CENPC: variants seen among roughly 807,000 people sequenced by gnomAD.
The protein encoded by CENPC is centromere protein C, also known as CENP-C 1.
In CENPC, 63 loss-of-function variants were observed where a neutral mutation model predicts 112.1. That is an observed-to-expected ratio of 0.56 (90% CI 0.46 to 0.69). The LOEUF (loss-of-function observed/expected upper bound fraction) is 0.69. Ranked by LOEUF, CENPC falls within the 30% of genes least tolerant of loss-of-function variation. The probability of loss-of-function intolerance (pLI) is 0.00; values close to 1 mark genes in which losing one functional copy is unlikely to be tolerated. For missense variants in CENPC, 1,000 were observed against 1,103.8 expected (o/e 0.91, Z 1.33); for synonymous variants, 333 against 367.6 (o/e 0.91, Z 1.08).
chr4:67,533,394 A>T (rs1275604706), intron 4 of CENPC, among the ~76,000 whole-genome samples: 1 of 152,162 alleles, frequency 6.6e-6, no homozygotes, highest in African/African-American at 2.4e-5. Flanking sequence ...AGTCTTAGGA[A>T]TGTTTTTATC....
rs2109841782 is a variant in CENPC at position 67,545,420 on chromosome 4, G to C, written c.-65C>G. The C allele has an allele frequency of 7.0e-7, 1 of 1,438,170 alleles. No homozygotes were observed. Among genetic ancestry groups the C allele is most frequent in the Non-Finnish European group, 9.2e-7 (1 of 1,088,748 alleles). 89.1% of individuals were successfully genotyped at this position (1,438,170 alleles called of 1,614,324 possible). A position where few individuals can be genotyped will look rare whatever the true frequency, so the allele number is the denominator to read the frequency against. Reference sequence around the variant, plus strand: ...AAGCCCACACGGACCACAGCTCCAGGAAGCCGAGCAAGAAACGAATCGCCG... The same window carrying C: ...AAGCCCACACGGACCACAGCTCCAGCAAGCCGAGCAAGAAACGAATCGCCG... On this transcript the variant is annotated 5_prime_UTR_variant, in exon 1 of 19. Coordinates refer to ENST00000273853, the MANE Select transcript of CENPC (RefSeq NM_001812.4).
chr4:67,514,030 T>A, intron 8 of CENPC, 44 bp downstream of exon 8: 1 of 1,478,556 alleles, frequency 6.8e-7, no homozygotes. Context: ...AAACATAAAA[T>A]GGGTAGAATA....
At chr4:67,521,982 G>C (rs1317549659) in intron 5 of CENPC, among the ~76,000 whole-genome samples, 1 of 152,164 alleles carries the variant, frequency 6.6e-6, no homozygotes, top group East Asian at 1.9e-4. Context: ...TGTGAAAAAT[G>C]AAAGAAGTTC....
Position 67,495,213 on chromosome 4 carries a change from C to G in CENPC, c.2132-1G>C. 1 of 1,526,860 alleles carries G rather than the reference C, an allele frequency of 6.5e-7. No homozygotes were observed. The highest frequency in any genetic ancestry group is 2.2e-5 in the Admixed American group (1 of 45,436). The allele number at this position is 1,526,860 out of a possible 1,614,324, so 94.6% of individuals were successfully genotyped here. On this transcript the variant is annotated splice_acceptor_variant, in intron 12 of 18. Coordinates refer to ENST00000273853, the MANE Select transcript of CENPC (RefSeq NM_001812.4). LOFTEE classifies it high-confidence loss of function. Reference sequence around the variant, plus strand: ...ATCACTTTAGATTGTTTTGAGTCATCTACAAAATGCAAAAGATAATATCAT... The same window carrying G: ...ATCACTTTAGATTGTTTTGAGTCATGTACAAAATGCAAAAGATAATATCAT...
At chr4:67,490,835 TAA>T (rs1491405739) in intron 16 of CENPC, among the ~76,000 whole-genome samples, 71 of 68,432 alleles carry the variant, frequency 1.0e-3, no homozygotes, top group African/African-American at 3.5e-3. Context: ...GATATAGAAA[TAA>T]ATATATATAT....
At chr4:67,523,226 T>G (rs1378958836) in intron 5 of CENPC, among the ~76,000 whole-genome samples, 4 of 152,048 alleles carry the variant, frequency 2.6e-5, no homozygotes, top group Non-Finnish European at 4.4e-5. Flanking sequence ...GGCAGGAGAA[T>G]TGCTTGAACC....
At chr4:67,535,674 T>C (rs1186299752) in intron 4 of CENPC, among the ~76,000 whole-genome samples, 1 of 152,152 alleles carries the variant, frequency 6.6e-6, no homozygotes, top group African/African-American at 2.4e-5. Context: ...GAAACAGTCA[T>C]AATAATACCA....
At position 67,471,156 on chromosome 4, in the gene CENPC, A is replaced by G. The variant is rs1370825157; in HGVS notation, c.*1449T>C. On this transcript the variant is annotated 3_prime_UTR_variant, in exon 19 of 19. Coordinates refer to ENST00000273853, the MANE Select transcript of CENPC (RefSeq NM_001812.4). ...TAACCTTTGTCCAAATGATTGGCTG[A>G]CTGCTAAGCTATGCAGACACAGGAA... 6.6e-6 allele frequency: 1 copy of G among 152,102 alleles called. No homozygotes were observed. Among genetic ancestry groups the G allele is most frequent in the Non-Finnish European group, 1.5e-5 (1 of 68,034 alleles). The allele number at this position is 152,102 out of a possible 1,614,324, so 9.4% of individuals were successfully genotyped here. A position where few individuals can be genotyped will look rare whatever the true frequency, so the allele number is the denominator to read the frequency against.
At chr4:67,507,083 G>C in intron 10 of CENPC, 149 bp from the exon 11 acceptor site, 2 of 550,120 alleles carry the variant, frequency 3.6e-6, no homozygotes, top group East Asian at 3.2e-5. Context: ...CTTGCAACTA[G>C]CTAAGGAAGG....
chr4:67,545,352 C>T lies in CENPC; in HGVS notation c.4G>A (p.Ala2Thr). 1 of 1,525,792 alleles carries T rather than the reference C, an allele frequency of 6.6e-7. No homozygotes were observed. The highest frequency in any genetic ancestry group is 8.8e-7 in the Non-Finnish European group (1 of 1,133,098). The allele number at this position is 1,525,792 out of a possible 1,614,324, so 94.5% of individuals were successfully genotyped here. A position where few individuals can be genotyped will look rare whatever the true frequency, so the allele number is the denominator to read the frequency against. MAASGLDHLKNG... is the reference protein window; with the variant it reads MTASGLDHLKNG... ...CCTGCACTTACCAGACCGGACGCAG[C>T]CATGTTCCGGCCCCGCTGAGCCAGC... The change falls in exon 1 of 19, where the codon GCT becomes ACT. Residue 2 changes from alanine (A) to threonine (T), a missense_variant. Transcript: ENST00000273853.
intron 5 of CENPC, among the ~76,000 whole-genome samples, chr4:67,529,843 A>G (rs1304393856): frequency 1.3e-5 from 2 of 152,230 alleles, no homozygotes; most frequent in East Asian, 3.8e-4. Flanking sequence ...ATATCAGGAC[A>G]TACTATGAAG....
intron 18 of CENPC, among the ~76,000 whole-genome samples, chr4:67,473,007 G>A (rs530608745): frequency 6.6e-6 from 1 of 152,208 alleles, no homozygotes; most frequent in East Asian, 1.9e-4. Context: ...CCTCTAACCA[G>A]ACATACTCAT....
intron 7 of CENPC, among the ~76,000 whole-genome samples, chr4:67,515,854 A>G (rs963879649): frequency 1.3e-5 from 2 of 152,028 alleles, no homozygotes; most frequent in Non-Finnish European, 2.9e-5. Context: ...ATCACAAAGC[A>G]TACAATGCTA....
intron 12 of CENPC, among the ~76,000 whole-genome samples, chr4:67,496,931 C>G (rs1312103522): frequency 2.2e-5 from 3 of 134,988 alleles, no homozygotes; most frequent in Non-Finnish European, 4.7e-5. Flanking sequence ...ATGCAGTCTC[C>G]CCTAGAACAA....
chr4:67,529,440 C>T (rs569548381), intron 5 of CENPC, among the ~76,000 whole-genome samples: 2 of 152,206 alleles, frequency 1.3e-5, no homozygotes, highest in Non-Finnish European at 2.9e-5. Context: ...ATTCTCCTGA[C>T]TCAGCCTCCC....
chr4:67,523,442 T>C (rs1014969527), intron 5 of CENPC, among the ~76,000 whole-genome samples: 5 of 152,216 alleles, frequency 3.3e-5, no homozygotes, highest in African/African-American at 1.2e-4. Context: ...TTTACATGTA[T>C]ACAGAAATGT....
intron 5 of CENPC, among the ~76,000 whole-genome samples, chr4:67,521,211 A>AAG (rs1476600627): frequency 3.3e-5 from 5 of 150,818 alleles, no homozygotes; most frequent in African/African-American, 1.2e-4. Context: ...AACCAAAAAA[A>AAG]AAAAAAAGTA....
chr4:67,505,204 C>G lies in CENPC; in HGVS notation c.2131+1G>C, dbSNP rs367862812. On this transcript the variant is annotated splice_donor_variant, in intron 12 of 18. Coordinates refer to ENST00000273853, the MANE Select transcript of CENPC (RefSeq NM_001812.4). LOFTEE classifies it high-confidence loss of function. ...AAGACAGAAAAAAAACAATAGTTTA[C>G]CTGAACTTCCATGAACTTCCTCATC... 6.4e-7 allele frequency: 1 copy of G among 1,564,096 alleles called. No homozygotes were observed. The highest frequency in any genetic ancestry group is 8.7e-7 in the Non-Finnish European group (1 of 1,152,120).
At chr4:67,484,457 T>C (rs1000197376) in intron 17 of CENPC, among the ~76,000 whole-genome samples, 3 of 152,080 alleles carry the variant, frequency 2.0e-5, no homozygotes, top group African/African-American at 7.2e-5. Context: ...CAGCAGGAGG[T>C]AAGCAGCACG....
Sources: allele counts gnomAD v4.1 joint callset (sites outside exome capture counted in the v4.1 genomes callset), GRCh38; gene constraint gnomAD v4.1.1; transcripts MANE v1.5; gene names NCBI Gene and HGNC (gene_info 2026-07-23, HGNC 2026-07-21).